Variants in SOX5 observed in about 807,000 individuals in gnomAD.
SOX5 encodes SRY-box transcription factor 5, also known as transcription factor SOX-5.
Under a neutral mutation model 92.0 loss-of-function variants are expected in SOX5, and 9 were observed. The observed-to-expected ratio is 0.10, with a 90% CI of 0.06 to 0.17. The LOEUF is 0.17. Ranked by LOEUF, SOX5 falls within the 10% of genes least tolerant of loss-of-function variation. SOX5 has a pLI of 1.00. For synonymous variants in SOX5, 344 were observed against 336.3 expected, an observed-to-expected ratio of 1.02 and a Z score of -0.25; for missense variants, 642 against 944.5, an observed-to-expected ratio of 0.68 and a Z score of 4.20.
At chr12:24,213,251 C>T (rs1473129046) in intron 4 of SOX5, 1 of 151,398 alleles carries the variant, frequency 6.6e-6, no homozygotes, top group Non-Finnish European at 1.5e-5. Flanking sequence ...AACTCAAGCA[C>T]ATGGAAGAAA....
chr12:24,552,193 A>G lies in SOX5; in HGVS notation c.-251+10136T>C, dbSNP rs117176965. Among the ~76,000 whole-genome samples the G allele has an allele frequency of 7.1e-3, 1,075 of 152,262 alleles. 7 individuals carry two copies. Among genetic ancestry groups the G allele is most frequent in the Non-Finnish European group, 0.012 (797 of 68,032 alleles). On this transcript the variant is annotated intron_variant, in intron 1 of 4. Coordinates refer to the SOX5 transcript ENST00000446891. ...AAAGGCTCTTTAAATTTTATTTTAG[A>G]ACTCCTAAAACCACATTATCAAAAA...
chr12:24,519,912 A>G (rs932467863), intron 1 of SOX5, among the ~76,000 whole-genome samples: 2 of 152,170 alleles, frequency 1.3e-5, no homozygotes, highest in Admixed American at 1.3e-4. Flanking sequence ...AAAGACAAAA[A>G]GAGAATTTTG....
intron 1 of SOX5, among the ~76,000 whole-genome samples, chr12:24,491,052 CTCTTTCTT>C (rs80198255): frequency 6.6e-6 from 1 of 151,130 alleles, no homozygotes; most frequent in African/African-American, 2.4e-5. Flanking sequence ...AACCCACTAT[CTCTTTCTT>C]TCTTTCTTTC....
At position 23,570,921 on chromosome 12, in the gene SOX5, AAAAAAAAAAATATATATATATAT is replaced by A. The variant is rs1565910793; in HGVS notation, c.1342+4717_1342+4739del. Among the ~76,000 whole-genome samples, 9 of 42,856 alleles carry A rather than the reference AAAAAAAAAAATATATATATATAT, an allele frequency of 2.1e-4. 1 individual carries two copies. The highest frequency in any genetic ancestry group is 8.0e-4 in the African/African-American group (9 of 11,212). The allele number at this position is 42,856 out of a possible 152,430, so 28.1% of individuals were successfully genotyped here. A position where few individuals can be genotyped will look rare whatever the true frequency, so the allele number is the denominator to read the frequency against. ...GCAAGACTCCAACTCAAAAAAAAAA[AAAAAAAAAAATATATATATATAT>A]ATATATATATATATATATATATATA... On this transcript the variant is annotated intron_variant, in intron 10 of 14. Coordinates refer to ENST00000451604, the MANE Select transcript of SOX5 (RefSeq NM_006940.6).
rs767933481 is a variant in SOX5, at chr12:24,244,745, T to C, written c.-76-31328A>G. On this transcript the variant is annotated intron_variant, in intron 3 of 4. Transcript: ENST00000446891. The stretch of plus-strand genomic sequence containing the variant: ...TTTTCTCTTGTTGCCCAGGCTAGAG[T>C]GCAATGGCATGATCTTGGCTCACTG... 1.5e-3 allele frequency among the ~76,000 whole-genome samples: 232 copies of C among 152,264 alleles called. 1 individual carries two copies. Among genetic ancestry groups the C allele is most frequent in the Non-Finnish European group, 1.4e-3 (94 of 68,020 alleles).
At chr12:23,567,970 C>T (rs886675573) in intron 10 of SOX5, among the ~76,000 whole-genome samples, 3 of 152,030 alleles carry the variant, frequency 2.0e-5, no homozygotes, top group African/African-American at 7.2e-5. Flanking sequence ...AAATACAAAA[C>T]CACTTGTAAT....
intron 1 of SOX5, among the ~76,000 whole-genome samples, chr12:24,477,281 G>A (rs767915718): frequency 5.9e-5 from 9 of 151,864 alleles, no homozygotes; most frequent in Non-Finnish European, 1.3e-4. Flanking sequence ...TTACAGACAT[G>A]TGCCACCACA....
At chr12:23,955,797 G>A (rs189406031), upstream of SOX5, among the ~76,000 whole-genome samples, 1 of 152,004 alleles carries the variant, frequency 6.6e-6, no homozygotes, top group Admixed American at 6.6e-5. Flanking sequence ...ATTCAAGTGG[G>A]ATCATACAAA....
chr12:24,098,403 A>G (rs1945684893), intron 4 of SOX5, among the ~76,000 whole-genome samples: 1 of 152,092 alleles, frequency 6.6e-6, no homozygotes, highest in Admixed American at 6.6e-5. Context: ...ATGCACATAC[A>G]CACACACGGT....
intron 1 of SOX5, among the ~76,000 whole-genome samples, chr12:24,520,548 A>G (rs912396343): frequency 3.3e-5 from 5 of 152,178 alleles, no homozygotes; most frequent in African/African-American, 1.2e-4. Context: ...GCATTAAATA[A>G]AAAAGGAAGA....
intron 4 of SOX5, among the ~76,000 whole-genome samples, chr12:24,122,054 T>A (rs892536228): frequency 6.6e-6 from 1 of 152,128 alleles, no homozygotes; most frequent in Admixed American, 6.5e-5. Context: ...AACATCTCAA[T>A]TGATTCAGCT....
intron 1 of SOX5, among the ~76,000 whole-genome samples, chr12:24,404,232 C>A (rs537488452): frequency 2.0e-5 from 3 of 152,014 alleles, no homozygotes; most frequent in Admixed American, 2.0e-4. Context: ...TTTAAATATG[C>A]CCTACGTGAA....
At chr12:23,933,463 G>T (rs910374792) in intron 1 of SOX5, among the ~76,000 whole-genome samples, 2 of 151,484 alleles carry the variant, frequency 1.3e-5, no homozygotes, top group African/African-American at 4.8e-5. Flanking sequence ...AAATCAAAAT[G>T]GAAATGTTTC....
At chr12:24,176,693 T>C (rs1416277024) in intron 4 of SOX5, among the ~76,000 whole-genome samples, 4 of 152,214 alleles carry the variant, frequency 2.6e-5, no homozygotes, top group African/African-American at 9.6e-5. Context: ...AGTGGGAGTC[T>C]GCTCCTGTTC....
chr12:23,899,541 T>C (rs1413710057), intron 1 of SOX5, among the ~76,000 whole-genome samples: 1 of 152,164 alleles, frequency 6.6e-6, no homozygotes, highest in Non-Finnish European at 1.5e-5. Context: ...TCTTATCCTT[T>C]AGAGATGATT....
rs142545685 is a variant in SOX5 at position 24,190,896 on chromosome 12, A to G, written c.-2+22447T>C. On this transcript the variant is annotated intron_variant, in intron 4 of 4. Transcript: ENST00000446891. ...CAAGGGGAGAAAGTTTATAATTGGG[A>G]GAAAACAGAATCAAATAAGACAGGA... Among the ~76,000 whole-genome samples, 75 of 152,362 alleles carry G rather than the reference A, an allele frequency of 4.9e-4. 1 individual carries two copies. The East Asian group carries it at 0.013, about 26-fold the overall frequency.
intron 1 of SOX5, among the ~76,000 whole-genome samples, chr12:23,908,124 A>T (rs1307977626): frequency 6.6e-6 from 1 of 152,142 alleles, no homozygotes; most frequent in Non-Finnish European, 1.5e-5. Context: ...AATCTGTGGC[A>T]TGTTTAATTT....
chr12:24,252,689 TAAA>T (rs542347992), intron 3 of SOX5, among the ~76,000 whole-genome samples: 4 of 136,830 alleles, frequency 2.9e-5, no homozygotes, highest in South Asian at 2.4e-4. Flanking sequence ...GTCTATGCTT[TAAA>T]AAAAAAAAAA....
At chr12:23,547,385 C>T (rs1943339915) in intron 11 of SOX5, among the ~76,000 whole-genome samples, 1 of 151,936 alleles carries the variant, frequency 6.6e-6, no homozygotes. Context: ...AATTATTCAC[C>T]TCATTTTCTG....
Sources: gnomAD v4.1 joint callset for allele counts (sites outside exome capture counted in the v4.1 genomes callset) on GRCh38, gnomAD v4.1.1 for gene constraint, MANE v1.5 for transcripts, NCBI Gene and HGNC (gene_info 2026-07-23, HGNC 2026-07-21) for gene names.